The following SRRM2 variants were observed in gnomAD, a reference collection of about 807,000 sequenced individuals.
SRRM2 encodes the protein serine/arginine repetitive matrix 2.
SRRM2 carries 30 observed loss-of-function variants against 213.8 expected under a neutral mutation model. The observed-to-expected ratio is 0.14, with a 90% CI of 0.10 to 0.19. SRRM2 has a LOEUF of 0.19. Ranked by LOEUF, SRRM2 falls within the 10% of genes least tolerant of loss-of-function variation. The pLI, the probability that SRRM2 is intolerant of heterozygous loss-of-function variation, is 1.00. For synonymous variants in SRRM2, 2,025 were observed against 1,377.7 expected, an observed-to-expected ratio of 1.47 and a Z score of -10.40; for missense variants, 4,904 against 3,647.0, an observed-to-expected ratio of 1.34 and a Z score of -8.88.
rs2068375512 is a variant in SRRM2 at position 2,762,201 on chromosome 16, G to A, written c.1673G>A (p.Arg558Lys). 1 of 1,614,038 alleles carries A rather than the reference G, an allele frequency of 6.2e-7. No individual in the cohort carries two copies. The highest frequency in any genetic ancestry group is 1.1e-5 in the South Asian group (1 of 91,088). The change falls in exon 11 of 15, where the codon AGG (arginine) becomes AAG (lysine). Residue 558 changes from arginine (R) to lysine (K), a missense_variant. Arg to Lys is a conservative substitution (Grantham distance 26, BLOSUM62 2). Coordinates refer to ENST00000301740, the MANE Select transcript of SRRM2 (RefSeq NM_016333.4). The part of the protein sequence containing the change: ...TQRRGRSRSA[R>K]RGRSHSRSPA... ...AGAAGAGGCAGGTCTAGGTCAGCAA[G>A]GCGAGGGAGGTCCCACTCTAGATCC...
Position 2,764,433 on chromosome 16 carries a change from C to G in SRRM2, c.3905C>G (p.Ala1302Gly). Residue 1302 changes from alanine to glycine, a missense_variant, in exon 11 of 15, where the codon GCC (alanine) becomes GGC (glycine). Physicochemically the swap from Ala to Gly is moderately conservative, Grantham distance 60. Transcript: ENST00000301740. Reference sequence around the variant, plus strand: ...GAAGCAGTAGAAGTCCCTTCAATGGCCTCATCTTGGGGTGGGCCACATTTT... The same window carrying G: ...GAAGCAGTAGAAGTCCCTTCAATGGGCTCATCTTGGGGTGGGCCACATTTT... The part of the protein sequence containing the change: ...SLEAVEVPSM[A>G]SSWGGPHFSP... The G allele has an allele frequency of 6.2e-7, 1 of 1,612,834 alleles. No individual in the cohort carries two copies. Among genetic ancestry groups the G allele is most frequent in the Non-Finnish European group, 8.5e-7 (1 of 1,179,650 alleles).
rs928860690 is a variant in SRRM2 at position 2,763,214 on chromosome 16, C to T, written c.2686C>T (p.Pro896Ser). The T allele has an allele frequency of 3.1e-6, 5 of 1,613,948 alleles. No homozygotes were observed. In the African/African-American group the frequency reaches 5.3e-5, roughly 17 times the overall value. ...PSRHSCSGSS[P>S]PRVKSSTPPR... ...TAGACATAGCTGCTCAGGGTCCTCT[C>T]CTCCTAGAGTGAAATCTAGCACACC... Residue 896 changes from proline to serine, a missense_variant, in exon 11 of 15, where the codon CCT becomes TCT. Coordinates refer to ENST00000301740, the MANE Select transcript of SRRM2 (RefSeq NM_016333.4).
rs3094775 is a variant in SRRM2 at position 2,764,161 on chromosome 16, G to T, written c.3633G>T (p.Arg1211Ser). 1 of 1,613,926 alleles carries T rather than the reference G, an allele frequency of 6.2e-7. No individual in the cohort carries two copies. Among genetic ancestry groups the T allele is most frequent in the Non-Finnish European group, 8.5e-7 (1 of 1,180,018 alleles). ...AAGACACACTTAGAACCCCGCCAAG[G>T]GAAAGAAGTGGTGCTGGGTCATCTC... The part of the protein sequence containing the change: ...VFKDTLRTPP[R>S]ERSGAGSSPE... The change falls in exon 11 of 15, where the codon AGG (arginine) becomes AGT (serine). Residue 1211 changes from arginine to serine, a missense_variant. Arg to Ser is a moderately radical substitution (Grantham distance 110). Transcript: ENST00000301740.
At chr16:2,770,131 A>C in intron 12 of SRRM2, 1 of 1,420,800 alleles carries the variant, frequency 7.0e-7, no homozygotes, top group Non-Finnish European at 9.2e-7. Flanking sequence ...AAGGGCAGGG[A>C]CTGTCTTTAT....
rs377159963 is a variant in SRRM2, at chr16:2,766,074, G to A, written c.5546G>A (p.Arg1849Gln). The A allele has an allele frequency of 5.0e-6, 8 of 1,614,138 alleles. No homozygotes were observed. Among genetic ancestry groups the A allele is most frequent in the Middle Eastern group, 1.6e-4 (1 of 6,062 alleles). Residue 1849 changes from arginine to glutamine, a missense_variant, in exon 11 of 15, where the codon CGG (arginine) becomes CAG (glutamine). Arg to Gln is a conservative substitution (Grantham distance 43). Coordinates refer to ENST00000301740, the MANE Select transcript of SRRM2 (RefSeq NM_016333.4). This position sits in a 1 kb window ranked among gnomAD's most constrained non-coding sequence, Gnocchi z 7.0. Reference protein sequence around the residue: ...RGRSRTPPTSRKRSRSRTSPA... With the variant: ...RGRSRTPPTSQKRSRSRTSPA... ...CGCTCTCGGACACCCCCAACCAGTCGGAAGCGTTCTCGCTCACGCACATCA... is the reference window on the plus strand; with the variant it reads ...CGCTCTCGGACACCCCCAACCAGTCAGAAGCGTTCTCGCTCACGCACATCA...
chr16:2,766,598 C>T lies in SRRM2; in HGVS notation c.6070C>T (p.Pro2024Ser), dbSNP rs1424611297. 3.1e-6 allele frequency: 5 copies of T among 1,613,894 alleles called. No individual in the cohort carries two copies. The highest frequency in any genetic ancestry group is 1.3e-5 in the African/African-American group (1 of 74,906). ...CCGCCGCTCTAGGTCCCGGACACCT[C>T]CAGCTATTCGGCGCCGCTCTAGATC... The part of the protein sequence containing the change: ...TRRRSRSRTP[P>S]AIRRRSRSRT... The change falls in exon 11 of 15, where the codon CCA (proline) becomes TCA (serine). Residue 2024 changes from proline (P) to serine (S), a missense_variant. Transcript: ENST00000301740. This position sits in a 1 kb window ranked among gnomAD's most constrained non-coding sequence, Gnocchi z 7.0.
rs1157988448 is a variant in SRRM2, at chr16:2,763,599, C to T, written c.3071C>T (p.Ser1024Leu). ...TGTCCCCAAGAGAAGTCTAAAGACTCACTAGTTCAAAGTTGCCCTGGATCC... is the reference window on the plus strand; with the variant it reads ...TGTCCCCAAGAGAAGTCTAAAGACTTACTAGTTCAAAGTTGCCCTGGATCC... The part of the protein sequence containing the change: ...SPCPQEKSKD[S>L]LVQSCPGSLS... The change falls in exon 11 of 15, where the codon TCA becomes TTA. Residue 1024 changes from serine to leucine, a missense_variant. By Grantham distance (145) the Ser-to-Leu change is moderately radical. Transcript: ENST00000301740. 1 of 1,614,146 alleles carries T rather than the reference C, an allele frequency of 6.2e-7. No individual in the cohort carries two copies. The highest frequency in any genetic ancestry group is 1.1e-5 in the South Asian group (1 of 91,084).
intron 1 of SRRM2, among the ~76,000 whole-genome samples, chr16:2,754,816 G>C (rs964509032): frequency 6.6e-6 from 1 of 152,132 alleles, no homozygotes; most frequent in African/African-American, 2.4e-5. Context: ...TTGATTTTTT[G>C]AGCCATACAG....
rs773507318 is a variant in SRRM2, at chr16:2,762,112, C to T, written c.1584C>T (p.Pro528=). 1 of 1,614,160 alleles carries T rather than the reference C, an allele frequency of 6.2e-7. No homozygotes were observed. The highest frequency in any genetic ancestry group is 1.7e-5 in the Admixed American group (1 of 60,026). ...AGAGGTGGGGAAGATCTAGAAGCCCCCAGCGACGTGGCCGCTCTAGGTCTC... is the reference window on the plus strand; with the variant it reads ...AGAGGTGGGGAAGATCTAGAAGCCCTCAGCGACGTGGCCGCTCTAGGTCTC... ...SAQRWGRSRS[P]QRRGRSRSPQ... Residue 528 remains proline, a synonymous_variant, in exon 11 of 15, where the codon CCC becomes CCT. Coordinates refer to ENST00000301740, the MANE Select transcript of SRRM2 (RefSeq NM_016333.4).
In SRRM2 at chr16:2,760,420, C is replaced by T. The variant is rs571622136; in HGVS notation, c.953C>T (p.Thr318Ile). 3.1e-6 allele frequency: 5 copies of T among 1,614,170 alleles called. No individual in the cohort carries two copies. In the South Asian group the frequency reaches 5.5e-5, roughly 18 times the overall value. ...APFSEPGTTS[T>I]QRPSSPETAT... ...TTCAGTGAACCAGGTACTACCAGCA[C>T]ACAACGGCCTAGTAGCCCGGAGACT... Residue 318 changes from threonine to isoleucine, a missense_variant, in exon 10 of 15, where the codon ACA becomes ATA. By Grantham distance (89) the Thr-to-Ile change is moderately conservative. Transcript: ENST00000301740.
rs757554285 is a variant in SRRM2 at position 2,762,812 on chromosome 16, C to T, written c.2284C>T (p.Leu762Phe). 1.1e-4 allele frequency: 171 copies of T among 1,614,050 alleles called. 2 individuals carry two copies. In the South Asian group the frequency reaches 1.1e-3, roughly 10 times the overall value. The part of the protein sequence containing the change: ...SRISSRRSRS[L>F]SSPRSKAKSR... ...CATTTCTTCAAGGCGGAGCAGGTCT[C>T]TCTCTTCACCACGGTCCAAAGCAAA... The change falls in exon 11 of 15, where the codon CTC (leucine) becomes TTC (phenylalanine). Residue 762 changes from leucine to phenylalanine, a missense_variant. Coordinates refer to ENST00000301740, the MANE Select transcript of SRRM2 (RefSeq NM_016333.4).
At position 2,770,705 on chromosome 16, in the gene SRRM2, A is replaced by T; in HGVS notation, c.8237A>T (p.His2746Leu). The T allele has an allele frequency of 6.4e-7, 1 of 1,561,834 alleles. No homozygotes were observed. The highest frequency in any genetic ancestry group is 8.7e-7 in the Non-Finnish European group (1 of 1,151,620). ...ACACCTAGCCCTCGGCCCATGAGAC[A>T]CCGCTCCTCCAGGTGCGTGTCCTGG... ...RETPSPRPMR[H>L]RSSRSP Residue 2746 changes from histidine (H) to leucine (L), a missense_variant, in exon 14 of 15, where the codon CAC becomes CTC. Coordinates refer to ENST00000301740, the MANE Select transcript of SRRM2 (RefSeq NM_016333.4).
chr16:2,766,735 A>G lies in SRRM2; in HGVS notation c.6207A>G (p.Thr2069=), dbSNP rs766626495. ...PRTARGKRSL[T]RSPPAIRRRS... ...CAGCTCGGGGTAAACGGTCCTTAACAAGATCTCCTCCAGCCATCCGCAGGC... is the reference window on the plus strand; with the variant it reads ...CAGCTCGGGGTAAACGGTCCTTAACGAGATCTCCTCCAGCCATCCGCAGGC... Residue 2069 remains threonine (T), a synonymous_variant, in exon 11 of 15, where the codon ACA becomes ACG. Transcript: ENST00000301740. This position sits in a 1 kb window ranked among gnomAD's most constrained non-coding sequence, Gnocchi z 7.0. 9 of 1,613,960 alleles carry G rather than the reference A, an allele frequency of 5.6e-6. No homozygotes were observed. Among genetic ancestry groups the G allele is most frequent in the Non-Finnish European group, 7.6e-6 (9 of 1,180,008 alleles).
At position 2,759,014 on chromosome 16, in the gene SRRM2, A is replaced by T. The variant is rs2068244685; in HGVS notation, c.623A>T (p.Glu208Val). 6.2e-7 allele frequency: 1 copy of T among 1,614,092 alleles called. No homozygotes were observed. The highest frequency in any genetic ancestry group is 1.7e-5 in the Admixed American group (1 of 60,006). The change falls in exon 6 of 15, where the codon GAG becomes GTG. Residue 208 changes from glutamate to valine, a missense_variant. Coordinates refer to ENST00000301740, the MANE Select transcript of SRRM2 (RefSeq NM_016333.4). ...RRSESSSPRRERKKSSKKKKH... is the reference protein window; with the variant it reads ...RRSESSSPRRVRKKSSKKKKH... Reference sequence around the variant, plus strand: ...TCAGAGAGCAGCTCTCCTCGACGGGAGAGAAAGAAAAGCTCAAAGAAGAAG... The same window carrying T: ...TCAGAGAGCAGCTCTCCTCGACGGGTGAGAAAGAAAAGCTCAAAGAAGAAG...
At chr16:2,758,954 A>T in intron 5 of SRRM2, 31 bp from the exon 6 acceptor site, 1 of 1,613,378 alleles carries the variant, frequency 6.2e-7, no homozygotes, top group African/African-American at 1.3e-5. Context: ...GAAGCCAAGC[A>T]GGATGAGCTT....
rs1305905452 is a variant in SRRM2 at position 2,759,591 on chromosome 16, C to A, written c.763C>A (p.Pro255Thr). ...RKRSRSTTPA[P>T]KSRRAHRSTS... The stretch of plus-strand genomic sequence containing the variant: ...CAGGTCTCGAAGTACAACACCAGCC[C>A]CCAAGAGCCGCCGGGCCCACCGTTC... Residue 255 changes from proline to threonine, a missense_variant, in exon 9 of 15, where the codon CCC becomes ACC. Physicochemically the swap from Pro to Thr is conservative, Grantham distance 38 (BLOSUM62 -1). Coordinates refer to ENST00000301740, the MANE Select transcript of SRRM2 (RefSeq NM_016333.4). The A allele has an allele frequency of 6.2e-7, 1 of 1,614,084 alleles. No homozygotes were observed. Among genetic ancestry groups the A allele is most frequent in the East Asian group, 2.2e-5 (1 of 44,868 alleles).
rs570499242 is a variant in SRRM2 at position 2,759,176 on chromosome 16, A to G, written c.689+4A>G. On this transcript the variant is annotated splice_donor_region_variant and intron_variant, in intron 7 of 14. Transcript: ENST00000301740. ...AGTCCAAGAAACGTAAGCATAGGTA[A>G]GAGCTCTTTAACTCATAGGGGGCGC... 1 of 1,614,094 alleles carries G rather than the reference A, an allele frequency of 6.2e-7. No individual in the cohort carries two copies. Among genetic ancestry groups the G allele is most frequent in the African/African-American group, 1.3e-5 (1 of 75,020 alleles).
Position 2,769,100 on chromosome 16 carries a change from A to G in SRRM2, c.7837A>G (p.Ser2613Gly). Residue 2613 changes from serine to glycine, a missense_variant, in exon 12 of 15, where the codon AGC (serine) becomes GGC (glycine). Coordinates refer to ENST00000301740, the MANE Select transcript of SRRM2 (RefSeq NM_016333.4). The part of the protein sequence containing the change: ...RKRRSSSSSS[S>G]SSSSSSSSSS... ...GAGGCGCTCTAGCAGTTCCAGTTCC[A>G]GCTCCTCCTCTTCATCTTCCTCCTC... 6.2e-7 allele frequency: 1 copy of G among 1,613,794 alleles called. No homozygotes were observed. The highest frequency in any genetic ancestry group is 1.1e-5 in the South Asian group (1 of 91,072).
At chr16:2,769,932 T>C (rs1312844077) in intron 12 of SRRM2, 2 of 442,868 alleles carry the variant, frequency 4.5e-6, no homozygotes, top group Admixed American at 5.1e-5. Flanking sequence ...GCCTGGAATT[T>C]CCTTGTCCGC....
Sources: gnomAD v4.1 joint callset for allele counts (sites outside exome capture counted in the v4.1 genomes callset) on GRCh38, gnomAD v4.1.1 for gene constraint, Gnocchi (gnomAD v3.1) non-coding constraint, MANE v1.5 for transcripts, NCBI Gene and HGNC (gene_info 2026-07-23, HGNC 2026-07-21) for gene names.